Variants in PUDP observed in about 807,000 individuals in gnomAD.
PUDP encodes the protein pseudouridine-5'-phosphatase.
In PUDP, 8 loss-of-function variants were observed where a neutral mutation model predicts 9.4. That is an observed-to-expected ratio of 0.85 (90% CI 0.50 to 1.53). The LOEUF (loss-of-function observed/expected upper bound fraction) is 1.53. Ranked by LOEUF, PUDP falls within the 40% of genes most tolerant of loss-of-function variation. The pLI, the probability that PUDP is intolerant of heterozygous loss-of-function variation, is 0.00. For synonymous variants in PUDP, 99 were observed against 80.7 expected, an observed-to-expected ratio of 1.23 and a Z score of -1.22; for missense variants, 188 against 189.7, an observed-to-expected ratio of 0.99 and a Z score of 0.05.
chrX:7,015,040 G>A (rs1175465721), intron 1 of PUDP, among the ~76,000 whole-genome samples: 2 of 111,713 alleles, frequency 1.8e-5, no homozygotes, highest in African/African-American at 3.3e-5. Flanking sequence ...CTCCTACTCC[G>A]CTTAGTACTG....
chrX:6,919,316 T>C (rs1927982344), intron 3 of PUDP, among the ~76,000 whole-genome samples: 2 of 111,510 alleles, frequency 1.8e-5, no homozygotes, highest in Non-Finnish European at 3.8e-5. Flanking sequence ...AGAATGACAA[T>C]GAATTAAGAA....
intron 3 of PUDP, among the ~76,000 whole-genome samples, chrX:6,932,634 C>CA (rs58130898): frequency 0.21 from 23,437 of 110,076 alleles, 2,016 homozygotes; most frequent in Admixed American, 0.35. Flanking sequence ...TCAGTGGGTG[C>CA]GCGCACCGTG....
At chrX:7,034,647 A>G (rs373327526) in intron 1 of PUDP, among the ~76,000 whole-genome samples, 35 of 111,906 alleles carry the variant, frequency 3.1e-4, no homozygotes, top group African/African-American at 8.4e-4. Flanking sequence ...CATCATCATC[A>G]TAATTATCCA....
At chrX:6,947,100 G>A (rs1027341287) in intron 3 of PUDP, among the ~76,000 whole-genome samples, 2 of 108,316 alleles carry the variant, frequency 1.8e-5, no homozygotes, top group Admixed American at 9.9e-5. Context: ...TCCTGGGTTC[G>A]AGTGATTCGC....
At chrX:6,746,347 C>G in intron 3 of PUDP, among the ~76,000 whole-genome samples, 1 of 112,179 alleles carries the variant, frequency 8.9e-6, no homozygotes. Context: ...CCCTTTGAGA[C>G]CTTAAGTGAC....
At chrX:6,855,662 A>C (rs924226146) in intron 3 of PUDP, among the ~76,000 whole-genome samples, 5 of 112,147 alleles carry the variant, frequency 4.5e-5, no homozygotes, top group Non-Finnish European at 9.4e-5. Flanking sequence ...GTTTTGAAAG[A>C]CACTGACAGA....
chrX:6,717,046 G>C (rs1346371023), intron 1 of PUDP, among the ~76,000 whole-genome samples: 1 of 111,568 alleles, frequency 9.0e-6, no homozygotes, highest in African/African-American at 3.3e-5. Flanking sequence ...TGGGACCATG[G>C]GCATGAGCCA....
At chrX:6,869,904 T>G (rs1927148102) in intron 3 of PUDP, among the ~76,000 whole-genome samples, 1 of 111,598 alleles carries the variant, frequency 9.0e-6, no homozygotes, top group African/African-American at 3.3e-5. Flanking sequence ...AATTCTACTT[T>G]TGGATATATA....
intron 3 of PUDP, among the ~76,000 whole-genome samples, chrX:7,076,738 G>A (rs1020103648): frequency 4.5e-5 from 5 of 111,952 alleles, no homozygotes; most frequent in African/African-American, 1.3e-4. Flanking sequence ...CAAAAACTTG[G>A]CGATAAAAAC....
At chrX:6,733,932 C>A (rs577141169) in intron 3 of PUDP, among the ~76,000 whole-genome samples, 22 of 108,790 alleles carry the variant, frequency 2.0e-4, no homozygotes, top group Non-Finnish European at 4.2e-4. Context: ...TGCCTGCCAC[C>A]ATGCCCAGCT....
At chrX:7,139,257 A>G (rs1352824234) in intron 1 of PUDP, among the ~76,000 whole-genome samples, 2 of 112,261 alleles carry the variant, frequency 1.8e-5, no homozygotes, top group East Asian at 2.8e-4. Flanking sequence ...GGATGAGTGA[A>G]TGCATTCCTC....
rs186510371 is a variant in PUDP, at chrX:6,757,930, A to G, written c.*248-51464T>C. 1.2e-3 allele frequency among the ~76,000 whole-genome samples: 135 copies of G among 112,233 alleles called. 2 individuals carry two copies. Among genetic ancestry groups the G allele is most frequent in the Non-Finnish European group, 7.3e-4 (39 of 53,242 alleles). Reference sequence around the variant, plus strand: ...ACTTTCCAGTGAGACCCAATGCTTCAACGTGTGATTTGTCTTAGTGACACG... The same window carrying G: ...ACTTTCCAGTGAGACCCAATGCTTCGACGTGTGATTTGTCTTAGTGACACG... On this transcript the variant is annotated intron_variant and NMD_transcript_variant, in intron 3 of 3. Transcript: ENST00000655425.
chrX:6,860,874 A>T (rs1926991846), intron 3 of PUDP, among the ~76,000 whole-genome samples: 1 of 112,638 alleles, frequency 8.9e-6, no homozygotes, highest in African/African-American at 3.2e-5. Flanking sequence ...GATTTTAATC[A>T]TAATAGAAGG....
At chrX:6,830,694 G>A (rs1239789291) in intron 3 of PUDP, among the ~76,000 whole-genome samples, 1 of 112,317 alleles carries the variant, frequency 8.9e-6, no homozygotes, top group Non-Finnish European at 1.9e-5. Context: ...TACTACTGTA[G>A]CCAAATTAGC....
At chrX:6,860,854 GA>G (rs1926991609) in intron 3 of PUDP, among the ~76,000 whole-genome samples, 1 of 112,234 alleles carries the variant, frequency 8.9e-6, no homozygotes, top group African/African-American at 3.2e-5. Context: ...ATATATTAAT[GA>G]CATATCATGA....
chrX:6,975,003 G>A (rs6530020), intron 3 of PUDP, among the ~76,000 whole-genome samples: 25,286 of 106,803 alleles, frequency 0.24, 2,412 homozygotes, highest in Admixed American at 0.36. Flanking sequence ...TGATCGATTC[G>A]GCTATTGATA....
intron 1 of PUDP, among the ~76,000 whole-genome samples, chrX:7,127,272 C>T (rs1422466628): frequency 8.9e-6 from 1 of 112,008 alleles, no homozygotes; most frequent in Non-Finnish European, 1.9e-5. Context: ...GGTAAGAGAC[C>T]GCCTTTTCTT....
chrX:7,072,682 C>A (rs1018614557), intron 3 of PUDP, among the ~76,000 whole-genome samples: 2 of 109,230 alleles, frequency 1.8e-5, no homozygotes, highest in Non-Finnish European at 3.8e-5. Context: ...GGCGTGGTGG[C>A]GTGTGCCTGT....
chrX:7,058,481 C>T (rs1234570410), intron 3 of PUDP, among the ~76,000 whole-genome samples: 1 of 111,664 alleles, frequency 9.0e-6, no homozygotes, highest in African/African-American at 3.3e-5. Context: ...AGGTTTTTTC[C>T]TATGCATTAA....
Sources: gnomAD v4.1 joint callset for allele counts (sites outside exome capture counted in the v4.1 genomes callset) on GRCh38, gnomAD v4.1.1 for gene constraint, MANE v1.5 for transcripts, NCBI Gene and HGNC (gene_info 2026-07-23, HGNC 2026-07-21) for gene names.